The following IQCM variants were observed in gnomAD, a reference collection of about 807,000 sequenced individuals.
IQCM encodes the protein IQ motif containing M.
IQCM carries 45 observed loss-of-function variants against 57.6 expected under a neutral mutation model. The observed-to-expected ratio is 0.78, with a 90% CI of 0.62 to 1.00. The LOEUF (loss-of-function observed/expected upper bound fraction) is 1.00. IQCM is among the 50% of genes least tolerant of loss of function. The pLI, the probability that IQCM is intolerant of heterozygous loss-of-function variation, is 0.00. For missense variants in IQCM, 468 were observed against 511.6 expected, an observed-to-expected ratio of 0.91 and a Z score of 0.82; for synonymous variants, 148 against 158.9, an observed-to-expected ratio of 0.93 and a Z score of 0.51.
At chr4:149,469,606 T>A (rs1368100956) in intron 12 of IQCM, among the ~76,000 whole-genome samples, 1 of 152,126 alleles carries the variant, frequency 6.6e-6, no homozygotes, top group Non-Finnish European at 1.5e-5. Context: ...ACATTCAATT[T>A]CAGGAAACAC....
rs139333349 is a variant in IQCM at position 149,750,470 on chromosome 4, T to C, written c.-48-7731A>G. On this transcript the variant is annotated intron_variant, in intron 2 of 13. Coordinates refer to ENST00000636793, the MANE Select transcript of IQCM (RefSeq NM_001363507.2). ...TTAGAAATGTATCAGTTAGGGCATA[T>C]ATGTCCAAGAACAAAAAAGGTAATA... Among the ~76,000 whole-genome samples, 3 of 152,338 alleles carry C rather than the reference T, an allele frequency of 2.0e-5. No homozygotes were observed. The East Asian group carries it at 5.8e-4, about 29-fold the overall frequency.
chr4:149,674,270 A>T (rs912322068), intron 7 of IQCM, among the ~76,000 whole-genome samples: 12 of 152,164 alleles, frequency 7.9e-5, no homozygotes, highest in African/African-American at 2.4e-4. Context: ...AAAATATGAT[A>T]ATTGGTACAA....
intron 5 of IQCM, among the ~76,000 whole-genome samples, chr4:149,708,073 T>C (rs987883057): frequency 6.6e-6 from 1 of 151,974 alleles, no homozygotes; most frequent in African/African-American, 2.4e-5. Context: ...CCACTCAACA[T>C]TTCTGACAAA....
At chr4:149,735,968 G>A (rs948099608) in intron 3 of IQCM, among the ~76,000 whole-genome samples, 4 of 141,984 alleles carry the variant, frequency 2.8e-5, no homozygotes, top group Non-Finnish European at 3.0e-5. Flanking sequence ...TTTTTTGTGA[G>A]ACAGAGTCTC....
Position 149,414,318 on chromosome 4 carries a change from T to A in IQCM, c.1390+19078A>T, listed in dbSNP as rs1733593074. Reference sequence around the variant, plus strand: ...TCTACTGTATCTTCTTCATAAAAGATGATTTTGCCCAAAACCGATGCCTCA... The same window carrying A: ...TCTACTGTATCTTCTTCATAAAAGAAGATTTTGCCCAAAACCGATGCCTCA... On this transcript the variant is annotated intron_variant, in intron 13 of 13. Transcript: ENST00000636793. Among the ~76,000 whole-genome samples, 3 of 152,274 alleles carry A rather than the reference T, an allele frequency of 2.0e-5. No homozygotes were observed. In the South Asian group the frequency reaches 6.2e-4, roughly 32 times the overall value.
chr4:149,510,547 C>CTGA (rs1341693085), intron 12 of IQCM, among the ~76,000 whole-genome samples: 1 of 152,094 alleles, frequency 6.6e-6, no homozygotes, highest in East Asian at 1.9e-4. Flanking sequence ...TGCCATCTTC[C>CTGA]ATCATCATGA....
chr4:149,566,317 A>C (rs1187466158), intron 9 of IQCM, among the ~76,000 whole-genome samples: 1 of 152,180 alleles, frequency 6.6e-6, no homozygotes, highest in Non-Finnish European at 1.5e-5. Flanking sequence ...CCAAAAAGTG[A>C]GGGAAGGTTT....
chr4:149,703,524 C>T (rs2149816307), intron 5 of IQCM, among the ~76,000 whole-genome samples: 1 of 151,976 alleles, frequency 6.6e-6, no homozygotes, highest in East Asian at 1.9e-4. Context: ...GAACTATGGT[C>T]TCTATACAGA....
intron 8 of IQCM, among the ~76,000 whole-genome samples, chr4:149,598,695 T>C (rs1753998340): frequency 6.6e-6 from 1 of 152,146 alleles, no homozygotes; most frequent in Non-Finnish European, 1.5e-5. Context: ...CAAAGAAATA[T>C]AATTTCATAA....
intron 2 of IQCM, among the ~76,000 whole-genome samples, chr4:149,783,222 C>T (rs551367035): frequency 6.6e-6 from 1 of 152,316 alleles, no homozygotes; most frequent in African/African-American, 2.4e-5. Context: ...AAAACCTATT[C>T]TTCATTCAAG....
At chr4:149,516,576 C>T (rs1744994411) in intron 12 of IQCM, among the ~76,000 whole-genome samples, 1 of 152,162 alleles carries the variant, frequency 6.6e-6, no homozygotes, top group African/African-American at 2.4e-5. Context: ...CAAAGTTCTC[C>T]AGAAGGCCAT....
chr4:149,471,665 C>CA lies in IQCM; in HGVS notation c.1229-38109dup, dbSNP rs1285616796. 4.6e-5 allele frequency among the ~76,000 whole-genome samples: 7 copies of CA among 151,844 alleles called. No homozygotes were observed. The East Asian group carries it at 7.7e-4, about 17-fold the overall frequency. Reference sequence around the variant, plus strand: ...ATACCAAAGCCTGGCAGAGACACAACAAAAAAAGAGAATTTTAGACCAATA... The same window carrying CA: ...ATACCAAAGCCTGGCAGAGACACAACAAAAAAAAGAGAATTTTAGACCAATA... On this transcript the variant is annotated intron_variant, in intron 12 of 13. Transcript: ENST00000636793.
chr4:149,509,570 A>G (rs1178858204), intron 12 of IQCM, among the ~76,000 whole-genome samples: 1 of 9,174 alleles, frequency 1.1e-4, no homozygotes, highest in Non-Finnish European at 7.6e-4. Flanking sequence ...ATCTAAAAAT[A>G]TGACTGGAAA....
At chr4:149,484,288 C>T (rs1442778510) in intron 12 of IQCM, among the ~76,000 whole-genome samples, 1 of 151,846 alleles carries the variant, frequency 6.6e-6, no homozygotes, top group Admixed American at 6.6e-5. Flanking sequence ...GTAGAGTTAA[C>T]TCAGTTTGCA....
chr4:149,779,568 A>G (rs930534261), intron 2 of IQCM, among the ~76,000 whole-genome samples: 2 of 152,208 alleles, frequency 1.3e-5, no homozygotes, highest in Admixed American at 6.5e-5. Context: ...GTGAACATCA[A>G]CCTAAACCTT....
chr4:149,808,911 A>T (rs1404955714), intron 2 of IQCM, among the ~76,000 whole-genome samples: 1 of 152,220 alleles, frequency 6.6e-6, no homozygotes, highest in Non-Finnish European at 1.5e-5. Context: ...TTTTGAAGAA[A>T]GTTACTCTAA....
chr4:149,479,343 G>A (rs1740534665), intron 12 of IQCM, among the ~76,000 whole-genome samples: 1 of 152,038 alleles, frequency 6.6e-6, no homozygotes, highest in African/African-American at 2.4e-5. Flanking sequence ...CTGCCACATG[G>A]CCAAAGTTAT....
rs574911698 is a variant in IQCM, at chr4:149,750,649, G to A, written c.-48-7910C>T. On this transcript the variant is annotated intron_variant, in intron 2 of 13. Transcript: ENST00000636793. Reference sequence around the variant, plus strand: ...TGTGATTTTCACAGATTAAAACAGTGCTGTTATAAAAGTACATTCTCCCAG... The same window carrying A: ...TGTGATTTTCACAGATTAAAACAGTACTGTTATAAAAGTACATTCTCCCAG... Among the ~76,000 whole-genome samples, 5 of 152,296 alleles carry A rather than the reference G, an allele frequency of 3.3e-5. No individual in the cohort carries two copies. In the South Asian group the frequency reaches 1.0e-3, roughly 32 times the overall value.
chr4:149,707,557 G>A (rs1764250283), intron 5 of IQCM, among the ~76,000 whole-genome samples: 1 of 151,938 alleles, frequency 6.6e-6, no homozygotes. Context: ...GGGACAAAGA[G>A]CGAGCTTGCT....
Sources: gnomAD v4.1 joint callset for allele counts (sites outside exome capture counted in the v4.1 genomes callset) on GRCh38, gnomAD v4.1.1 for gene constraint, MANE v1.5 for transcripts, NCBI Gene and HGNC (gene_info 2026-07-23, HGNC 2026-07-21) for gene names.